PCDH15: variants seen among roughly 807,000 people sequenced by gnomAD.
PCDH15 encodes protocadherin-15.
Under a neutral mutation model 178.5 loss-of-function variants are expected in PCDH15, and 129 were observed. The ratio of observed to expected loss-of-function variants is 0.72; its 90% CI spans 0.63 to 0.84. The LOEUF is 0.84. PCDH15 is among the 40% of genes least tolerant of loss of function. The pLI is 0.00. For synonymous variants in PCDH15, 800 were observed against 732.0 expected (o/e 1.09, Z -1.50); for missense variants, 2,230 against 2,099.9 (o/e 1.06, Z -1.21).
chr10:55,613,412 C>A (rs1464522949), intron 2 of PCDH15, among the ~76,000 whole-genome samples: 1 of 152,110 alleles, frequency 6.6e-6, no homozygotes, highest in African/African-American at 2.4e-5. Flanking sequence ...CACTTTTAGA[C>A]TTTCAAATAC....
chr10:54,148,184 ATT>A (rs1327457988), intron 14 of PCDH15, among the ~76,000 whole-genome samples: 4 of 151,974 alleles, frequency 2.6e-5, no homozygotes, highest in Non-Finnish European at 2.9e-5. Flanking sequence ...CTTATTGTAG[ATT>A]CTGTAACTAC....
intron 2 of PCDH15, among the ~76,000 whole-genome samples, chr10:55,010,526 T>G (rs1203655696): frequency 6.6e-6 from 1 of 152,132 alleles, no homozygotes; most frequent in Non-Finnish European, 1.5e-5. Context: ...GCTGAGGCAC[T>G]GATGTGTCAG....
intron 2 of PCDH15, among the ~76,000 whole-genome samples, chr10:55,086,850 T>C (rs1044288603): frequency 2.6e-5 from 4 of 152,068 alleles, no homozygotes; most frequent in African/African-American, 7.2e-5. Context: ...CAGTATTAAT[T>C]TTCTGATTTT....
chr10:54,777,332 C>T (rs1420646207), intron 1 of PCDH15, among the ~76,000 whole-genome samples: 3 of 152,064 alleles, frequency 2.0e-5, no homozygotes, highest in African/African-American at 7.2e-5. Context: ...TCTTGAGATG[C>T]AGACAGTTTC....
intron 1 of PCDH15, among the ~76,000 whole-genome samples, chr10:54,731,563 T>TATATATATATATAC: frequency 2.0e-5 from 1 of 49,882 alleles, no homozygotes; most frequent in Non-Finnish European, 5.3e-5. Flanking sequence ...TATATATATA[T>TATATATATATATAC]ACACACACAC....
intron 1 of PCDH15, among the ~76,000 whole-genome samples, chr10:54,702,977 C>A (rs965324860): frequency 2.0e-5 from 3 of 151,934 alleles, no homozygotes; most frequent in African/African-American, 7.2e-5. Flanking sequence ...AACAAACAAA[C>A]AAACAAAAAC....
At chr10:55,190,179 A>G (rs974058477) in intron 1 of PCDH15, among the ~76,000 whole-genome samples, 1 of 151,756 alleles carries the variant, frequency 6.6e-6, no homozygotes, top group Admixed American at 6.6e-5. Context: ...TTTGTATGAA[A>G]TTCAAGAACA....
intron 2 of PCDH15, among the ~76,000 whole-genome samples, chr10:55,580,415 T>A (rs561400140): frequency 6.6e-6 from 1 of 150,610 alleles, no homozygotes; most frequent in East Asian, 2.0e-4. Context: ...TGGAGTTAAG[T>A]GACATGATCT....
At chr10:55,529,772 T>TATATAC (rs1243055497) in intron 2 of PCDH15, among the ~76,000 whole-genome samples, 2 of 139,128 alleles carry the variant, frequency 1.4e-5, no homozygotes, top group Non-Finnish European at 3.1e-5. Flanking sequence ...TATATATATA[T>TATATAC]ATATATTTGA....
chr10:54,679,225 A>G (rs2094854939), intron 1 of PCDH15, among the ~76,000 whole-genome samples: 2 of 151,988 alleles, frequency 1.3e-5, no homozygotes, highest in African/African-American at 4.8e-5. Context: ...ACAATTGACA[A>G]TAATATATGT....
At chr10:54,652,213 T>C (rs2094279034) in intron 2 of PCDH15, among the ~76,000 whole-genome samples, 1 of 152,212 alleles carries the variant, frequency 6.6e-6, no homozygotes, top group Non-Finnish European at 1.5e-5. Flanking sequence ...GACCTTTCTT[T>C]CCCTCCTCTT....
chr10:54,404,705 G>A (rs1952403468), intron 3 of PCDH15, among the ~76,000 whole-genome samples: 1 of 151,894 alleles, frequency 6.6e-6, no homozygotes, highest in Non-Finnish European at 1.5e-5. Context: ...TCAACAGAGT[G>A]AACAGACAAA....
At chr10:55,474,513 G>T (rs961194011) in intron 2 of PCDH15, among the ~76,000 whole-genome samples, 6 of 152,184 alleles carry the variant, frequency 3.9e-5, no homozygotes, top group African/African-American at 1.4e-4. Context: ...TTTCACAGGT[G>T]AGAATCTGTC....
At chr10:54,369,529 A>G (rs1430228824) in intron 4 of PCDH15, among the ~76,000 whole-genome samples, 2 of 152,062 alleles carry the variant, frequency 1.3e-5, no homozygotes, top group African/African-American at 2.4e-5. Flanking sequence ...GAGCGCACCC[A>G]CAAAATTAAT....
At chr10:54,532,989 T>C (rs2084091267) in intron 2 of PCDH15, among the ~76,000 whole-genome samples, 1 of 152,166 alleles carries the variant, frequency 6.6e-6, no homozygotes, top group South Asian at 2.1e-4. Context: ...GGTGGGTTCC[T>C]GCCTTATGCC....
intron 2 of PCDH15, among the ~76,000 whole-genome samples, chr10:55,332,026 A>T (rs1030520486): frequency 1.3e-5 from 2 of 152,164 alleles, no homozygotes; most frequent in African/African-American, 4.8e-5. Flanking sequence ...AAGGGAAATT[A>T]ACTTAAAAAG....
intron 3 of PCDH15, among the ~76,000 whole-genome samples, chr10:54,426,558 T>C (rs1023764391): frequency 1.3e-5 from 2 of 152,108 alleles, no homozygotes; most frequent in Non-Finnish European, 2.9e-5. Flanking sequence ...GGCCTGGGGG[T>C]TGGGACCCCT....
At chr10:54,720,794 G>A (rs1941475558) in intron 1 of PCDH15, among the ~76,000 whole-genome samples, 1 of 151,966 alleles carries the variant, frequency 6.6e-6, no homozygotes, top group Admixed American at 6.6e-5. Flanking sequence ...CAATAATAGT[G>A]GAGGACTTCA....
chr10:55,107,093 T>C (rs1837367706), intron 2 of PCDH15, among the ~76,000 whole-genome samples: 1 of 152,246 alleles, frequency 6.6e-6, no homozygotes, highest in African/African-American at 2.4e-5. Flanking sequence ...TCTTGTTAGA[T>C]ATATTTAAAG....
Sources: gnomAD v4.1 joint callset for allele counts (sites outside exome capture counted in the v4.1 genomes callset) on GRCh38, gnomAD v4.1.1 for gene constraint, MANE v1.5 for transcripts, NCBI Gene and HGNC (gene_info 2026-07-23, HGNC 2026-07-21) for gene names.